PFKL: variants seen among roughly 807,000 people sequenced by gnomAD.
PFKL encodes the protein ATP-dependent 6-phosphofructokinase, liver type.
PFKL carries 74 observed loss-of-function variants against 92.1 expected under a neutral mutation model. The observed-to-expected ratio is 0.80, with a 90% CI of 0.67 to 0.97. The LOEUF is 0.97. Ranked by LOEUF, PFKL falls within the 50% of genes least tolerant of loss-of-function variation. The pLI is 0.00. For missense variants in PFKL, 1,028 were observed against 1,116.6 expected (o/e 0.92, Z 1.13); for synonymous variants, 494 against 456.4 (o/e 1.08, Z -1.05).
In PFKL at chr21:44,319,770, G is replaced by A. The variant is rs189480833; in HGVS notation, c.1128-314G>A. The A allele has an allele frequency of 2.7e-3, 1,379 of 517,854 alleles. 3 individuals carry two copies. The highest frequency in any genetic ancestry group is 4.0e-3 in the Non-Finnish European group (1,151 of 288,120). 32.1% of individuals were successfully genotyped at this position (517,854 alleles called of 1,614,324 possible). The stretch of plus-strand genomic sequence containing the variant: ...CCCCCCTGCAGGCGTCCTGGCGGCC[G>A]GGTCAGGCTGGATTGGACGTCTGGG... On this transcript the variant is annotated intron_variant, in intron 11 of 21. Transcript: ENST00000349048.
intron 2 of PFKL, among the ~76,000 whole-genome samples, chr21:44,308,588 G>A (rs1231492214): frequency 1.4e-5 from 2 of 142,732 alleles, no homozygotes; most frequent in Non-Finnish European, 3.0e-5. Flanking sequence ...TTGAGACAGA[G>A]TCTCATTCTG....
At chr21:44,305,600 C>G (rs974172212) in intron 1 of PFKL, among the ~76,000 whole-genome samples, 1 of 152,156 alleles carries the variant, frequency 6.6e-6, no homozygotes, top group Admixed American at 6.5e-5. Context: ...GCCTGTTACA[C>G]GGCCCCAGAC....
intron 1 of PFKL, chr21:44,305,870 A>C (rs1196564244): frequency 7.3e-7 from 1 of 1,366,152 alleles, no homozygotes; most frequent in Non-Finnish European, 9.8e-7. Flanking sequence ...AGCCGAGGGC[A>C]AGGGGACAGG....
At chr21:44,304,176 G>A (rs933241995) in intron 1 of PFKL, 168 of 1,279,142 alleles carry the variant, frequency 1.3e-4, no homozygotes, top group Middle Eastern at 2.2e-4. Flanking sequence ...GTCTCCGGGC[G>A]TCAAAGCAGG....
At chr21:44,303,040 C>T (rs183975701) in intron 1 of PFKL, among the ~76,000 whole-genome samples, 182 of 152,274 alleles carry the variant, frequency 1.2e-3, no homozygotes, top group African/African-American at 4.3e-3. Flanking sequence ...CAAGACCATC[C>T]TGGCTAACAT....
intron 9 of PFKL, among the ~76,000 whole-genome samples, chr21:44,317,653 C>G (rs573815696): frequency 6.6e-6 from 1 of 152,334 alleles, no homozygotes; most frequent in African/African-American, 2.4e-5. Context: ...CCCAGAGCGT[C>G]AGCATTCTTG....
intron 1 of PFKL, chr21:44,305,666 AG>A (rs2146423820): frequency 1.1e-6 from 1 of 924,618 alleles, no homozygotes; most frequent in African/African-American, 1.7e-5. Flanking sequence ...TCTGAAGATT[AG>A]GTGGTCTTGG....
At chr21:44,319,739 G>T in intron 11 of PFKL, 1 of 529,620 alleles carries the variant, frequency 1.9e-6, no homozygotes, top group Non-Finnish European at 3.4e-6. Context: ...TTGGGTGTGG[G>T]TACCACCCCC....
chr21:44,311,124 G>A (rs1568949425), intron 3 of PFKL, 41 bp downstream of exon 3: 7 of 1,514,038 alleles, frequency 4.6e-6, no homozygotes, highest in Admixed American at 1.7e-5. Context: ...ACTTGGACTC[G>A]CAGACAGACA....
At chr21:44,319,479 G>A in intron 11 of PFKL, 64 bp downstream of exon 11, 1 of 1,370,288 alleles carries the variant, frequency 7.3e-7, no homozygotes, top group South Asian at 1.2e-5. Context: ...GGCAGCATGT[G>A]CTGCAGTGGC....
At chr21:44,312,831 G>A in intron 4 of PFKL, 147 bp from the exon 5 acceptor site, 1 of 756,510 alleles carries the variant, frequency 1.3e-6, no homozygotes. Context: ...AGGGTTCCAG[G>A]CAGGAGGAGG....
chr21:44,313,197 G>A, intron 5 of PFKL, 54 bp downstream of exon 5: 1 of 1,587,060 alleles, frequency 6.3e-7, no homozygotes, highest in South Asian at 1.1e-5. Context: ...CCCGCACGGT[G>A]GTGAGGTGGT....
At chr21:44,316,578 G>T (rs1360134205) in intron 9 of PFKL, 54 bp downstream of exon 9, 2 of 1,347,550 alleles carry the variant, frequency 1.5e-6, no homozygotes, top group African/African-American at 1.4e-5. Context: ...GTGGTGTGTG[G>T]GTGTGGGTGT....
intron 2 of PFKL, among the ~76,000 whole-genome samples, chr21:44,310,679 C>T (rs1398543410): frequency 1.3e-5 from 2 of 152,112 alleles, no homozygotes; most frequent in South Asian, 2.1e-4. Context: ...AGCTGGATGG[C>T]GGGCTCCGCT....
intron 1 of PFKL, chr21:44,304,588 G>C (rs2040874687): frequency 2.8e-5 from 29 of 1,040,568 alleles, no homozygotes; most frequent in Non-Finnish European, 3.3e-5. Flanking sequence ...GGGACAGGGC[G>C]CTGCACTCAC....
chr21:44,313,923 C>G lies in PFKL; in HGVS notation c.649C>G (p.Leu217Val). 6.3e-7 allele frequency: 1 copy of G among 1,597,176 alleles called. No individual in the cohort carries two copies. The highest frequency in any genetic ancestry group is 1.1e-5 in the South Asian group (1 of 88,470). ...CGCTCGCTCCTCCAGGTACCTGGCG[C>G]TGGTATCTGCACTGGCCTCAGGGGC... Reference protein sequence around the residue: ...VMGRHCGYLALVSALASGADW... With the variant: ...VMGRHCGYLAVVSALASGADW... Residue 217 changes from leucine to valine, a missense_variant, in exon 7 of 22, where the codon CTG becomes GTG. By Grantham distance (32) the Leu-to-Val change is conservative. Coordinates refer to ENST00000349048, the MANE Select transcript of PFKL (RefSeq NM_002626.6).
At position 44,300,192 on chromosome 21, in the gene PFKL, TG is replaced by T; in HGVS notation, c.85+5del. 1 of 1,105,214 alleles carries T rather than the reference TG, an allele frequency of 9.0e-7. No individual in the cohort carries two copies. Among genetic ancestry groups the T allele is most frequent in the Non-Finnish European group, 1.1e-6 (1 of 905,736 alleles). The allele number at this position is 1,105,214 out of a possible 1,614,324, so 68.5% of individuals were successfully genotyped here. Reference sequence around the variant, plus strand: ...TGACCAGCGGCGGCGACGCGCAAGGTGGGCGGGGGTCCCGGCCGCGTCGCGG... The same window carrying T: ...TGACCAGCGGCGGCGACGCGCAAGGTGGCGGGGGTCCCGGCCGCGTCGCGG... On this transcript the variant is annotated splice_donor_region_variant and intron_variant, in intron 1 of 21. Transcript: ENST00000349048.
chr21:44,317,394 G>A (rs1014278588), intron 9 of PFKL, among the ~76,000 whole-genome samples: 13 of 152,170 alleles, frequency 8.5e-5, no homozygotes, highest in Admixed American at 5.9e-4. Context: ...GGGCCCCGCC[G>A]ACCTAGCCAG....
Position 44,313,257 on chromosome 21 carries a change from A to T in PFKL, c.593+114A>T, listed in dbSNP as rs1417018723. On this transcript the variant is annotated intron_variant, in intron 5 of 21. Transcript: ENST00000349048. ...GGCAGTGGACTCTGGTAGCCCCAGCATCCAGGCCAGCCGCCCTCAGCCCCC... is the reference window on the plus strand; with the variant it reads ...GGCAGTGGACTCTGGTAGCCCCAGCTTCCAGGCCAGCCGCCCTCAGCCCCC... The T allele has an allele frequency of 1.3e-5, 16 of 1,221,768 alleles. No homozygotes were observed. In the Admixed American group the frequency reaches 3.1e-4, roughly 24 times the overall value. 75.7% of individuals were successfully genotyped at this position (1,221,768 alleles called of 1,614,324 possible). A position where few individuals can be genotyped will look rare whatever the true frequency, so the allele number is the denominator to read the frequency against.
Sources: gnomAD v4.1 joint callset for allele counts (sites outside exome capture counted in the v4.1 genomes callset) on GRCh38, gnomAD v4.1.1 for gene constraint, MANE v1.5 for transcripts, NCBI Gene and HGNC (gene_info 2026-07-23, HGNC 2026-07-21) for gene names.